The following STARD13 variants were observed in gnomAD, a reference collection of about 807,000 sequenced individuals.
STARD13 encodes StAR related lipid transfer domain containing 13, also known as stAR-related lipid transfer protein 13.
A neutral mutation model predicts 106.4 loss-of-function variants in STARD13; 62 were observed. The ratio of observed to expected loss-of-function variants is 0.58; its 90% CI spans 0.48 to 0.72. STARD13 has a LOEUF of 0.72. Ranked by LOEUF, STARD13 falls within the 30% of genes least tolerant of loss-of-function variation. STARD13 has a pLI of 0.00. For synonymous variants in STARD13, 565 were observed against 553.0 expected, an observed-to-expected ratio of 1.02 and a Z score of -0.31; for missense variants, 1,387 against 1,424.0, an observed-to-expected ratio of 0.97 and a Z score of 0.42.
the STARD13 span, among the ~76,000 whole-genome samples, chr13:33,519,209 T>TTTCC: frequency 3.7e-5 from 1 of 26,912 alleles, no homozygotes; most frequent in Non-Finnish European, 7.6e-5. Flanking sequence ...TTGGTAATTT[T>TTTCC]TTCTTTCTTT....
the STARD13 span, among the ~76,000 whole-genome samples, chr13:33,580,142 C>T: frequency 6.6e-6 from 1 of 151,886 alleles, no homozygotes; most frequent in African/African-American, 2.4e-5. Flanking sequence ...TCAGAATTAC[C>T]AAAACTTGGA....
chr13:33,131,646 T>G (rs540214054), intron 4 of STARD13, among the ~76,000 whole-genome samples: 9 of 152,334 alleles, frequency 5.9e-5, no homozygotes, highest in African/African-American at 2.2e-4. Context: ...ACATATTTAT[T>G]CATATGTATA....
chr13:33,392,834 TA>T, the STARD13 span, among the ~76,000 whole-genome samples: 1 of 152,244 alleles, frequency 6.6e-6, no homozygotes, highest in Non-Finnish European at 1.5e-5. Flanking sequence ...TCTAATTCTC[TA>T]AGCCTCATGT....
intron 4 of STARD13, chr13:33,138,589 G>A (rs1879375576): frequency 9.7e-6 from 2 of 205,980 alleles, no homozygotes; most frequent in South Asian, 6.9e-5. Context: ...AAAAGGCAAC[G>A]CATCCATAGT....
chr13:33,285,600 G>A lies in STARD13; in HGVS notation c.39C>T (p.Cys13=). 1 of 1,613,828 alleles carries A rather than the reference G, an allele frequency of 6.2e-7. No individual in the cohort carries two copies. Among genetic ancestry groups the A allele is most frequent in the African/African-American group, 1.3e-5 (1 of 75,024 alleles). The change falls in exon 1 of 14, where the codon TGC becomes TGT. Residue 13 remains cysteine, a synonymous_variant. Transcript: ENST00000336934. ...SQVPRTPASG[C]YYLNSMTPEG... ...CAGGTGTCATGGAATTTAGGTAGTAGCAGCCTGAGGCTGGGGTCCTGGGCA... is the reference window on the plus strand; with the variant it reads ...CAGGTGTCATGGAATTTAGGTAGTAACAGCCTGAGGCTGGGGTCCTGGGCA...
chr13:33,673,510 T>C, the STARD13 span, among the ~76,000 whole-genome samples: 1 of 152,000 alleles, frequency 6.6e-6, no homozygotes, highest in Non-Finnish European at 1.5e-5. Context: ...CATTAGTTTT[T>C]TTTCTTGTCT....
At chr13:33,241,327 A>C (rs185297959) in intron 1 of STARD13, among the ~76,000 whole-genome samples, 24 of 152,330 alleles carry the variant, frequency 1.6e-4, no homozygotes, top group Middle Eastern at 3.4e-3. Context: ...AAATCTAGCT[A>C]AGAAATAACT....
chr13:33,267,545 G>A (rs898459390), intron 1 of STARD13, among the ~76,000 whole-genome samples: 3 of 152,140 alleles, frequency 2.0e-5, no homozygotes, highest in East Asian at 1.9e-4. Flanking sequence ...ATTTGAATGC[G>A]TTGTTATATC....
At chr13:33,156,643 C>A (rs1170766370) in intron 3 of STARD13, among the ~76,000 whole-genome samples, 1 of 152,106 alleles carries the variant, frequency 6.6e-6, no homozygotes, top group Non-Finnish European at 1.5e-5. Flanking sequence ...CAGTTTCCTC[C>A]TCTGTAAAGG....
At chr13:33,616,287 G>GA in the STARD13 span, among the ~76,000 whole-genome samples, 1 of 151,460 alleles carries the variant, frequency 6.6e-6, no homozygotes, top group Non-Finnish European at 1.5e-5. Flanking sequence ...GAAGAGAAGG[G>GA]AAAAAATAAA....
chr13:33,227,156 C>G (rs150443919), intron 1 of STARD13, among the ~76,000 whole-genome samples: 1 of 152,200 alleles, frequency 6.6e-6, no homozygotes, highest in Non-Finnish European at 1.5e-5. Flanking sequence ...CTACAACCTG[C>G]GAGCTTTGCT....
the STARD13 span, among the ~76,000 whole-genome samples, chr13:33,429,334 C>G: frequency 6.6e-6 from 1 of 152,128 alleles, no homozygotes; most frequent in Non-Finnish European, 1.5e-5. Context: ...TGGTGGCTCA[C>G]GCCTGTAATC....
chr13:33,638,094 T>C, the STARD13 span, among the ~76,000 whole-genome samples: 2 of 152,218 alleles, frequency 1.3e-5, no homozygotes, highest in Non-Finnish European at 2.9e-5. Context: ...AAGGGATTTA[T>C]TCTGAGCCAA....
intron 1 of STARD13, among the ~76,000 whole-genome samples, chr13:33,170,371 C>G (rs1051463253): frequency 4.6e-5 from 7 of 152,126 alleles, no homozygotes; most frequent in Non-Finnish European, 1.0e-4. Context: ...TTGGACAGTG[C>G]AATGGGGCTG....
intron 1 of STARD13, among the ~76,000 whole-genome samples, chr13:33,244,731 G>A (rs760659188): frequency 4.6e-5 from 7 of 152,104 alleles, no homozygotes; most frequent in Non-Finnish European, 7.4e-5. Context: ...AACCAACCAC[G>A]AGGCATCTGA....
At chr13:33,160,227 G>C (rs528204704) in intron 3 of STARD13, among the ~76,000 whole-genome samples, 42 of 152,252 alleles carry the variant, frequency 2.8e-4, no homozygotes, top group African/African-American at 9.9e-4. Context: ...ATATTGATCT[G>C]AAATGATTGG....
chr13:33,434,376 A>G, the STARD13 span, among the ~76,000 whole-genome samples: 1 of 151,328 alleles, frequency 6.6e-6, no homozygotes, highest in Non-Finnish European at 1.5e-5. Context: ...AAAAAAAAGA[A>G]AGAAAGAAAA....
chr13:33,198,247 C>T (rs796839961), intron 1 of STARD13, among the ~76,000 whole-genome samples: 4 of 152,196 alleles, frequency 2.6e-5, no homozygotes, highest in Admixed American at 2.6e-4. Flanking sequence ...TCTAAATTGT[C>T]TTTGACTTAT....
chr13:33,561,204 A>T, the STARD13 span, among the ~76,000 whole-genome samples: 5 of 151,454 alleles, frequency 3.3e-5, no homozygotes, highest in Non-Finnish European at 5.9e-5. Flanking sequence ...TTAGCCTTGC[A>T]TGAAGAGGAA....
Sources: allele counts gnomAD v4.1 joint callset (sites outside exome capture counted in the v4.1 genomes callset), GRCh38; gene constraint gnomAD v4.1.1; transcripts MANE v1.5; gene names NCBI Gene and HGNC (gene_info 2026-07-23, HGNC 2026-07-21).